VTI1B: variants seen among roughly 807,000 people sequenced by gnomAD.
The protein encoded by VTI1B is vesicle transport through interaction with t-SNAREs homolog 1B.
In VTI1B, 18 loss-of-function variants were observed where a neutral mutation model predicts 28.6. That is an observed-to-expected ratio of 0.63 (90% CI 0.43 to 0.93). VTI1B has a LOEUF of 0.93. VTI1B is among the 40% of genes least tolerant of loss of function. The pLI, the probability that VTI1B is intolerant of heterozygous loss-of-function variation, is 0.00. For synonymous variants in VTI1B, 100 were observed against 107.9 expected (o/e 0.93, Z 0.46); for missense variants, 283 against 297.0 (o/e 0.95, Z 0.35).
Position 67,650,842 on chromosome 14 carries a change from A to G in VTI1B, c.*543T>C. On this transcript the variant is annotated 3_prime_UTR_variant, in exon 6 of 6. Transcript: ENST00000554659. ...CAAGCTTTGGTCAGACAAGAGAAGG[A>G]GGGCATATTGTCTATGACCAACTTC... 2 of 1,614,154 alleles carry G rather than the reference A, an allele frequency of 1.2e-6. No individual in the cohort carries two copies. The highest frequency in any genetic ancestry group is 1.7e-6 in the Non-Finnish European group (2 of 1,179,992).
chr14:67,664,171 T>C (rs1209443170), intron 1 of VTI1B, among the ~76,000 whole-genome samples: 1 of 152,198 alleles, frequency 6.6e-6, no homozygotes, highest in African/African-American at 2.4e-5. Flanking sequence ...ATTTTGACCA[T>C]TTGTGAGGGT....
chr14:67,661,946 G>A (rs1375660257), intron 2 of VTI1B, among the ~76,000 whole-genome samples: 1 of 151,936 alleles, frequency 6.6e-6, no homozygotes, highest in African/African-American at 2.4e-5. Context: ...CATGAGGTCA[G>A]GAGATCGAGA....
Position 67,650,689 on chromosome 14 carries a change from G to A in VTI1B, c.*696C>T, listed in dbSNP as rs770469440. 1.2e-5 allele frequency: 19 copies of A among 1,610,194 alleles called. No individual in the cohort carries two copies. In the East Asian group the frequency reaches 2.7e-4, roughly 23 times the overall value. On this transcript the variant is annotated 3_prime_UTR_variant, in exon 6 of 6. Transcript: ENST00000554659. ...TGAGAGTAGCAGCAAGGGAACCTGAGGTTTTGTCACACTTTGTTCTTCCAG... is the reference window on the plus strand; with the variant it reads ...TGAGAGTAGCAGCAAGGGAACCTGAAGTTTTGTCACACTTTGTTCTTCCAG...
intron 4 of VTI1B, among the ~76,000 whole-genome samples, chr14:67,655,292 A>G (rs2037241035): frequency 6.6e-6 from 1 of 152,110 alleles, no homozygotes; most frequent in Non-Finnish European, 1.5e-5. Context: ...GCACTGCTGC[A>G]CTCCAGCCTG....
At position 67,649,618 on chromosome 14, in the gene VTI1B, T is replaced by A. The variant is rs1293146191; in HGVS notation, c.*1767A>T. ...GACAAATCAGGAACACAGGTCCATGTGCAGGAAATGATGGAAATGCTACAG... is the reference window on the plus strand; with the variant it reads ...GACAAATCAGGAACACAGGTCCATGAGCAGGAAATGATGGAAATGCTACAG... On this transcript the variant is annotated 3_prime_UTR_variant, in exon 6 of 6. Coordinates refer to ENST00000554659, the MANE Select transcript of VTI1B (RefSeq NM_006370.3). The A allele has an allele frequency of 2.0e-5, 3 of 152,186 alleles. No individual in the cohort carries two copies. Among genetic ancestry groups the A allele is most frequent in the Non-Finnish European group, 4.4e-5 (3 of 68,018 alleles). The allele number at this position is 152,186 out of a possible 1,614,324, so 9.4% of individuals were successfully genotyped here.
intron 2 of VTI1B, among the ~76,000 whole-genome samples, chr14:67,661,814 G>A (rs186674796): frequency 4.0e-4 from 61 of 152,170 alleles, no homozygotes; most frequent in African/African-American, 6.3e-4. Context: ...GATTGCAAGC[G>A]TGAGCCACCG....
intron 1 of VTI1B, among the ~76,000 whole-genome samples, chr14:67,669,139 T>G (rs559932577): frequency 5.6e-4 from 86 of 152,280 alleles, no homozygotes; most frequent in African/African-American, 2.0e-3. Flanking sequence ...GAAAAACTAA[T>G]TGGGTTAAAG....
At chr14:67,671,734 G>A (rs534913506) in intron 1 of VTI1B, among the ~76,000 whole-genome samples, 2 of 152,258 alleles carry the variant, frequency 1.3e-5, no homozygotes, top group East Asian at 1.9e-4. Flanking sequence ...GAAGCCCAAG[G>A]CTGAGAGGGC....
rs769254605 is a variant in VTI1B, at chr14:67,659,717, C to T, written c.366+14G>A. 1.9e-6 allele frequency: 3 copies of T among 1,571,538 alleles called. No homozygotes were observed. The South Asian group carries it at 3.6e-5, about 19-fold the overall frequency. Reference sequence around the variant, plus strand: ...TAAAGGAAAAAAAAAACAAACAAAACAGCTAAAACTTACCATATGCTCATT... The same window carrying T: ...TAAAGGAAAAAAAAAACAAACAAAATAGCTAAAACTTACCATATGCTCATT... On this transcript the variant is annotated intron_variant, in intron 3 of 5. Coordinates refer to ENST00000554659, the MANE Select transcript of VTI1B (RefSeq NM_006370.3).
chr14:67,647,205 A>T lies in VTI1B; in HGVS notation c.*4180T>A. 2.0e-6 allele frequency: 1 copy of T among 510,324 alleles called. No homozygotes were observed. Among genetic ancestry groups the T allele is most frequent in the East Asian group, 3.1e-5 (1 of 32,212 alleles). 31.6% of individuals were successfully genotyped at this position (510,324 alleles called of 1,614,324 possible). A position where few individuals can be genotyped will look rare whatever the true frequency, so the allele number is the denominator to read the frequency against. ...ATATTCTTCCTCTGGGGTTTTTGGG[A>T]GGAGGTTTCCTCTAAATCATTGCCT... is the stretch of plus-strand genomic sequence containing the variant. On this transcript the variant is annotated 3_prime_UTR_variant, in exon 6 of 6. Coordinates refer to ENST00000554659, the MANE Select transcript of VTI1B (RefSeq NM_006370.3).
chr14:67,648,208 C>T lies in VTI1B; in HGVS notation c.*3177G>A, dbSNP rs2140785127. On this transcript the variant is annotated 3_prime_UTR_variant, in exon 6 of 6. Coordinates refer to ENST00000554659, the MANE Select transcript of VTI1B (RefSeq NM_006370.3). ...GGTATGTAGCAACCAGGTCTGCAGC[C>T]TGTTAACTACATAGGTAAATATGCT... 1 of 1,604,590 alleles carries T rather than the reference C, an allele frequency of 6.2e-7. No homozygotes were observed. Among genetic ancestry groups the T allele is most frequent in the Non-Finnish European group, 8.5e-7 (1 of 1,173,900 alleles).
At chr14:67,657,753 T>A (rs2037280844) in intron 3 of VTI1B, among the ~76,000 whole-genome samples, 1 of 33,042 alleles carries the variant, frequency 3.0e-5, no homozygotes, top group Admixed American at 5.1e-4. Flanking sequence ...CTTTCTTTCT[T>A]TTTTTTTTTT....
intron 1 of VTI1B, among the ~76,000 whole-genome samples, chr14:67,671,783 C>T (rs113138018): frequency 5.0e-4 from 76 of 152,204 alleles, no homozygotes; most frequent in African/African-American, 1.7e-3. Flanking sequence ...CATGGGTCAC[C>T]CCATGGCAGA....
At chr14:67,657,867 G>A (rs747971178) in intron 3 of VTI1B, among the ~76,000 whole-genome samples, 21 of 150,892 alleles carry the variant, frequency 1.4e-4, no homozygotes, top group Non-Finnish European at 2.4e-4. Context: ...TGCTGCCTCA[G>A]CCTCCCAAGT....
At chr14:67,673,401 C>T (rs941828694) in intron 1 of VTI1B, among the ~76,000 whole-genome samples, 2 of 152,044 alleles carry the variant, frequency 1.3e-5, no homozygotes, top group African/African-American at 2.4e-5. Context: ...TATTCTTTTA[C>T]TCTGATTTAC....
Position 67,674,382 on chromosome 14 carries a change from C to T in VTI1B, c.108G>A (p.Ala36=). The T allele has an allele frequency of 6.3e-7, 1 of 1,597,120 alleles. No homozygotes were observed. Among genetic ancestry groups the T allele is most frequent in the Non-Finnish European group, 8.5e-7 (1 of 1,173,696 alleles). Reference sequence around the variant, plus strand: ...GGCCCACCCCCGCCTCACCGGTCCCCGCCGTCCCCAGCAGCCGCTCGGGCA... The same window carrying T: ...GGCCCACCCCCGCCTCACCGGTCCCTGCCGTCCCCAGCAGCCGCTCGGGCA... ...QGVPERLLGT[A]GTEEKKKLIR... Residue 36 remains alanine, a synonymous_variant, in exon 1 of 6, where the codon GCG becomes GCA. Transcript: ENST00000554659.
rs34482334 is a variant in VTI1B at position 67,655,028 on chromosome 14, CAAA to C, written c.540+1385_540+1387del. ...TGGGCGACAGAGCAAGACTCCATCT[CAAA>C]AAAAAAAAAAAAAAAAAAAAAATTC... On this transcript the variant is annotated intron_variant, in intron 4 of 5. Transcript: ENST00000554659. 1.8e-4 allele frequency among the ~76,000 whole-genome samples: 8 copies of C among 43,474 alleles called. No individual in the cohort carries two copies. The East Asian group carries it at 4.6e-3, about 25-fold the overall frequency. The allele number at this position is 43,474 out of a possible 152,430, so 28.5% of individuals were successfully genotyped here.
At chr14:67,658,109 T>C (rs978643166) in intron 3 of VTI1B, among the ~76,000 whole-genome samples, 8 of 152,096 alleles carry the variant, frequency 5.3e-5, no homozygotes, top group Non-Finnish European at 8.8e-5. Flanking sequence ...AACCACTGAA[T>C]GAGGTTCAAA....
chr14:67,656,941 TG>T (rs2037266089), intron 3 of VTI1B, among the ~76,000 whole-genome samples: 1 of 152,224 alleles, frequency 6.6e-6, no homozygotes, highest in Non-Finnish European at 1.5e-5. Flanking sequence ...AGCCCAGATG[TG>T]GGAGCTACCT....
Sources: allele counts gnomAD v4.1 joint callset (sites outside exome capture counted in the v4.1 genomes callset), GRCh38; gene constraint gnomAD v4.1.1; transcripts MANE v1.5; gene names NCBI Gene and HGNC (gene_info 2026-07-23, HGNC 2026-07-21).